CD2AP: variants seen among roughly 807,000 people sequenced by gnomAD.
CD2AP encodes CD2-associated protein.
In CD2AP, 46 loss-of-function variants were observed where a neutral mutation model predicts 85.1. The ratio of observed to expected loss-of-function variants is 0.54; its 90% CI spans 0.43 to 0.69. The LOEUF (loss-of-function observed/expected upper bound fraction) is 0.69. Among genes scored for constraint, CD2AP ranks in the 30% least tolerant of loss-of-function variants. The pLI is 0.00. For synonymous variants in CD2AP, 255 were observed against 252.9 expected (o/e 1.01, Z -0.08); for missense variants, 769 against 729.5 (o/e 1.05, Z -0.62).
At chr6:47,591,924 A>G (rs959626216) in intron 11 of CD2AP, among the ~76,000 whole-genome samples, 2 of 152,148 alleles carry the variant, frequency 1.3e-5, no homozygotes, top group Non-Finnish European at 2.9e-5. Flanking sequence ...TCCTAGGCTC[A>G]GGTGATTCTC....
chr6:47,603,733 T>A (rs1769202534), intron 13 of CD2AP, among the ~76,000 whole-genome samples: 1 of 152,104 alleles, frequency 6.6e-6, no homozygotes, highest in East Asian at 1.9e-4. Context: ...TTTCTAGACA[T>A]TCCTATCCTT....
At chr6:47,579,696 T>C in intron 9 of CD2AP, 1 of 526,504 alleles carries the variant, frequency 1.9e-6, no homozygotes, top group Non-Finnish European at 3.4e-6. Flanking sequence ...CTTTCTCGAC[T>C]GTACTGAAAA....
intron 12 of CD2AP, 145 bp from the exon 13 acceptor site, chr6:47,599,155 AG>A: frequency 3.3e-6 from 2 of 601,220 alleles, no homozygotes; most frequent in Non-Finnish European, 3.1e-6. Flanking sequence ...CAGCCTTAGG[AG>A]AGAGTTTTGC....
At chr6:47,513,664 A>AT (rs1286246413) in intron 2 of CD2AP, among the ~76,000 whole-genome samples, 2 of 151,858 alleles carry the variant, frequency 1.3e-5, no homozygotes, top group Non-Finnish European at 2.9e-5. Flanking sequence ...AGTATTACAT[A>AT]TTTTTTGGAT....
At chr6:47,622,302 G>A (rs572596863) in intron 17 of CD2AP, among the ~76,000 whole-genome samples, 2 of 152,288 alleles carry the variant, frequency 1.3e-5, no homozygotes, top group East Asian at 1.9e-4. Flanking sequence ...TTCTTCCCTC[G>A]CCTGTGGAGT....
rs77368884 is a variant in CD2AP at position 47,498,965 on chromosome 6, G to A, written c.5-4315G>A. Among the ~76,000 whole-genome samples the A allele has an allele frequency of 4.5e-3, 691 of 152,146 alleles. 7 individuals are homozygous for A. Among genetic ancestry groups the A allele is most frequent in the African/African-American group, 0.016 (648 of 41,508 alleles). ...GATTTGTAATCTGTATGGACTCATG[G>A]CTTATTTTATTCGATGGGGTATATT... On this transcript the variant is annotated intron_variant, in intron 1 of 17. Coordinates refer to ENST00000359314, the MANE Select transcript of CD2AP (RefSeq NM_012120.3).
At position 47,609,290 on chromosome 6, in the gene CD2AP, G is replaced by A. The variant is rs761713967; in HGVS notation, c.1800G>A (p.Leu600=). ...AATTGTTGTGCATTGTAGAAGCACT[G>A]AAAAAGGATCACGGGTAAGTAGCCC... The part of the protein sequence containing the change: ...IIELLCIVEA[L]KKDHGKELEK... The change falls in exon 16 of 18, where the codon CTG becomes CTA. Residue 600 remains leucine, a synonymous_variant. Transcript: ENST00000359314. 1.2e-6 allele frequency: 2 copies of A among 1,612,952 alleles called. No individual in the cohort carries two copies. The highest frequency in any genetic ancestry group is 2.2e-5 in the South Asian group (2 of 91,066).
At chr6:47,539,676 G>A (rs1241505696) in intron 3 of CD2AP, among the ~76,000 whole-genome samples, 2 of 152,164 alleles carry the variant, frequency 1.3e-5, no homozygotes, top group East Asian at 3.8e-4. Context: ...ATGAGATAGT[G>A]AGTGTTAATG....
intron 1 of CD2AP, among the ~76,000 whole-genome samples, chr6:47,491,455 A>G (rs940666608): frequency 6.6e-6 from 1 of 152,042 alleles, no homozygotes; most frequent in African/African-American, 2.4e-5. Context: ...GTCATCTGCT[A>G]TAATAAAGGT....
At chr6:47,558,007 A>T (rs887308132) in intron 5 of CD2AP, among the ~76,000 whole-genome samples, 7 of 152,120 alleles carry the variant, frequency 4.6e-5, no homozygotes, top group Admixed American at 2.0e-4. Context: ...TTCCTTGAGC[A>T]GTGGTTTGTA....
chr6:47,518,032 T>C (rs1294032758), intron 2 of CD2AP, among the ~76,000 whole-genome samples: 1 of 152,196 alleles, frequency 6.6e-6, no homozygotes, highest in Admixed American at 6.5e-5. Context: ...AAATATTGTT[T>C]TGTAAAACTT....
Position 47,478,510 on chromosome 6 carries a change from T to G in CD2AP, c.4+262T>G, listed in dbSNP as rs13214158. On this transcript the variant is annotated intron_variant, in intron 1 of 17. Coordinates refer to ENST00000359314, the MANE Select transcript of CD2AP (RefSeq NM_012120.3). The stretch of plus-strand genomic sequence containing the variant: ...TCCTGTTCACCAGAAAGGTGCGGGA[T>G]GGGGGGCGGGGGCGCCTGGCCACCT... 0.25 allele frequency among the ~76,000 whole-genome samples: 38,373 copies of G among 151,142 alleles called. 5,549 individuals are homozygous for G. The highest frequency in any genetic ancestry group is 0.6 in the East Asian group (3,015 of 5,050).
chr6:47,598,895 C>A (rs1230678801), intron 12 of CD2AP, among the ~76,000 whole-genome samples: 2 of 149,636 alleles, frequency 1.3e-5, no homozygotes, highest in African/African-American at 4.9e-5. Context: ...TCTCAAAAAC[C>A]TGTTGAAATA....
At chr6:47,556,638 T>G (rs572522042) in intron 5 of CD2AP, among the ~76,000 whole-genome samples, 228 of 152,076 alleles carry the variant, frequency 1.5e-3, no homozygotes, top group African/African-American at 5.3e-3. Context: ...CGGGAGCCAC[T>G]GTGCCCAGCT....
chr6:47,593,617 C>G (rs1376699630), intron 11 of CD2AP, among the ~76,000 whole-genome samples: 2 of 151,954 alleles, frequency 1.3e-5, no homozygotes. Flanking sequence ...TTCACACCCA[C>G]TGAGATGGTT....
chr6:47,553,956 A>C (rs566442692), intron 4 of CD2AP, among the ~76,000 whole-genome samples: 4 of 151,816 alleles, frequency 2.6e-5, no homozygotes, highest in East Asian at 1.9e-4. Context: ...AGTTATGTTT[A>C]TTTTCTTTTT....
intron 1 of CD2AP, among the ~76,000 whole-genome samples, chr6:47,479,044 A>G (rs892457705): frequency 2.6e-5 from 4 of 152,332 alleles, no homozygotes; most frequent in Admixed American, 2.6e-4. Flanking sequence ...GTGGTGTAAC[A>G]ATTTCTTTTG....
rs761656861 is a variant in CD2AP at position 47,595,914 on chromosome 6, C to G, written c.1162C>G (p.Pro388Ala). The change falls in exon 12 of 18, where the codon CCA becomes GCA. Residue 388 changes from proline (P) to alanine (A), a missense_variant. Transcript: ENST00000359314. Reference protein sequence around the residue: ...KPSKPAAPQVPPKKPTPPTKA... With the variant: ...KPSKPAAPQVAPKKPTPPTKA... ...TTCTAAACCAGCAGCTCCACAAGTC[C>G]CACCCAAGAAACCTACTCCACCTAC... The G allele has an allele frequency of 6.2e-6, 10 of 1,612,560 alleles. No homozygotes were observed.
intron 4 of CD2AP, among the ~76,000 whole-genome samples, chr6:47,549,582 C>T (rs1042651143): frequency 6.6e-6 from 1 of 151,048 alleles, no homozygotes; most frequent in African/African-American, 2.4e-5. Context: ...CAAATGGAAA[C>T]ACATCTCATG....
Sources: allele counts gnomAD v4.1 joint callset (sites outside exome capture counted in the v4.1 genomes callset), GRCh38; gene constraint gnomAD v4.1.1; transcripts MANE v1.5; gene names NCBI Gene and HGNC (gene_info 2026-07-23, HGNC 2026-07-21).